JAZF1: variants seen among roughly 807,000 people sequenced by gnomAD.
The protein encoded by JAZF1 is juxtaposed with another zinc finger protein 1.
JAZF1 carries 8 observed loss-of-function variants against 26.4 expected under a neutral mutation model. The observed-to-expected ratio is 0.30, with a 90% CI of 0.18 to 0.55. The LOEUF (loss-of-function observed/expected upper bound fraction) is 0.55, where lower values mean the gene tolerates loss of function less well. Ranked by LOEUF, JAZF1 falls within the 20% of genes least tolerant of loss-of-function variation. The probability of loss-of-function intolerance (pLI) is 0.94; values close to 1 mark genes in which losing one functional copy is unlikely to be tolerated. For missense variants in JAZF1, 199 were observed against 322.0 expected, an observed-to-expected ratio of 0.62 and a Z score of 2.92; for synonymous variants, 126 against 122.3, an observed-to-expected ratio of 1.03 and a Z score of -0.20.
chr7:28,112,587 C>T (rs989603393), intron 1 of JAZF1, among the ~76,000 whole-genome samples: 1 of 151,916 alleles, frequency 6.6e-6, no homozygotes, highest in Non-Finnish European at 1.5e-5. Context: ...CAATTATGGG[C>T]AGCAATGAAA....
chr7:27,905,186 T>A (rs1174392579), intron 2 of JAZF1, among the ~76,000 whole-genome samples: 1 of 152,080 alleles, frequency 6.6e-6, no homozygotes, highest in African/African-American at 2.4e-5. Context: ...CTTGTCTCTA[T>A]CTCCTGGGCT....
At chr7:28,084,654 C>T (rs1271634915) in intron 1 of JAZF1, among the ~76,000 whole-genome samples, 1 of 152,236 alleles carries the variant, frequency 6.6e-6, no homozygotes, top group East Asian at 1.9e-4. Context: ...CCCCACCCCA[C>T]AGCGGGCAAG....
intron 1 of JAZF1, among the ~76,000 whole-genome samples, chr7:28,006,573 A>G (rs1387380846): frequency 1.3e-5 from 2 of 152,186 alleles, no homozygotes; most frequent in East Asian, 3.9e-4. Context: ...GTCAATACAA[A>G]ATGAATTGCT....
chr7:27,923,952 C>T (rs1179216704), intron 2 of JAZF1, among the ~76,000 whole-genome samples: 1 of 152,174 alleles, frequency 6.6e-6, no homozygotes, highest in Admixed American at 6.5e-5. Flanking sequence ...GTTTAACGTT[C>T]ACTCACAAAT....
At chr7:28,133,630 G>C (rs1331631335) in intron 1 of JAZF1, among the ~76,000 whole-genome samples, 1 of 152,182 alleles carries the variant, frequency 6.6e-6, no homozygotes, top group Non-Finnish European at 1.5e-5. Context: ...TTGTGCACTA[G>C]TGTAGGAACC....
intron 1 of JAZF1, among the ~76,000 whole-genome samples, chr7:28,133,224 A>G (rs762459948): frequency 3.9e-5 from 6 of 152,262 alleles, no homozygotes; most frequent in Non-Finnish European, 8.8e-5. Context: ...ATTATGAATC[A>G]GATTTACTTT....
At chr7:28,180,140 G>A (rs1231016606) in intron 1 of JAZF1, among the ~76,000 whole-genome samples, 1 of 87,228 alleles carries the variant, frequency 1.1e-5, no homozygotes, top group Non-Finnish European at 2.2e-5. Flanking sequence ...ACTCGGCCCC[G>A]CCGCCGCAAC....
intron 1 of JAZF1, among the ~76,000 whole-genome samples, chr7:28,174,002 T>TA (rs1783512429): frequency 1.3e-5 from 2 of 152,050 alleles, no homozygotes; most frequent in Non-Finnish European, 2.9e-5. Context: ...AAGGCACTTT[T>TA]AAAAAATACA....
intron 1 of JAZF1, among the ~76,000 whole-genome samples, chr7:28,134,485 T>C (rs888393375): frequency 7.8e-6 from 1 of 127,770 alleles, no homozygotes; most frequent in African/African-American, 2.9e-5. Context: ...TTTTTTTTTT[T>C]AATTTTTCAT....
chr7:27,979,402 T>C (rs899883090), intron 2 of JAZF1, among the ~76,000 whole-genome samples: 5 of 100,528 alleles, frequency 5.0e-5, no homozygotes, highest in Non-Finnish European at 7.6e-5. Context: ...TTTTTTTTTT[T>C]TTTAGAAACA....
chr7:27,989,102 A>C (rs38515), intron 2 of JAZF1, among the ~76,000 whole-genome samples: 123,962 of 151,788 alleles, frequency 0.82, 51,361 homozygotes, highest in African/African-American at 0.96. Context: ...TGTAGACCAA[A>C]GGAACAGAAC....
At chr7:28,170,225 T>G (rs1783433884) in intron 1 of JAZF1, among the ~76,000 whole-genome samples, 1 of 151,868 alleles carries the variant, frequency 6.6e-6, no homozygotes. Flanking sequence ...AAGTTCAAGA[T>G]CAGCCTGGGC....
chr7:27,937,078 A>G (rs1186695938), intron 2 of JAZF1, among the ~76,000 whole-genome samples: 2 of 152,318 alleles, frequency 1.3e-5, no homozygotes, highest in Admixed American at 1.3e-4. Flanking sequence ...CAACAGTGTT[A>G]GGTTTTTTCT....
At chr7:28,028,718 A>C (rs2214717) in intron 1 of JAZF1, among the ~76,000 whole-genome samples, 10 of 152,264 alleles carry the variant, frequency 6.6e-5, no homozygotes, top group Non-Finnish European at 1.0e-4. Context: ...TGAATAACAT[A>C]ACGCAACTAT....
chr7:28,082,516 G>T (rs964722733), intron 1 of JAZF1, among the ~76,000 whole-genome samples: 5 of 152,062 alleles, frequency 3.3e-5, no homozygotes, highest in Non-Finnish European at 7.4e-5. Flanking sequence ...GTTAATATCT[G>T]TATGCTGATG....
At chr7:28,006,961 T>C (rs1782712155) in intron 1 of JAZF1, among the ~76,000 whole-genome samples, 1 of 152,202 alleles carries the variant, frequency 6.6e-6, no homozygotes, top group Admixed American at 6.5e-5. Flanking sequence ...GCATAAAACA[T>C]TTTTGTTCTT....
At chr7:27,993,221 G>A (rs1028835470) in intron 1 of JAZF1, among the ~76,000 whole-genome samples, 5 of 152,152 alleles carry the variant, frequency 3.3e-5, no homozygotes, top group African/African-American at 1.2e-4. Context: ...TGCCACTGCA[G>A]GTCCTTGAAA....
At chr7:27,841,610 T>TA (rs1782922206) in intron 3 of JAZF1, 2 of 152,194 alleles carry the variant, frequency 1.3e-5, no homozygotes, top group Non-Finnish European at 2.9e-5. Flanking sequence ...CCATCACAGT[T>TA]ACGCAGCTCA....
At chr7:27,898,316 T>G (rs1343766224) in intron 2 of JAZF1, among the ~76,000 whole-genome samples, 1 of 52,098 alleles carries the variant, frequency 1.9e-5, no homozygotes, top group Non-Finnish European at 4.0e-5. Context: ...CATCGGTTTT[T>G]TTTTTTTTTT....
Sources: allele counts gnomAD v4.1 joint callset (sites outside exome capture counted in the v4.1 genomes callset), GRCh38; gene constraint gnomAD v4.1.1; transcripts MANE v1.5; gene names NCBI Gene and HGNC (gene_info 2026-07-23, HGNC 2026-07-21).